The following ZNF608 variants were observed in gnomAD, a reference collection of about 807,000 sequenced individuals.
The protein encoded by ZNF608 is renal carcinoma antigen NY-REN-36.
A neutral mutation model predicts 109.0 loss-of-function variants in ZNF608; 12 were observed. The ratio of observed to expected loss-of-function variants is 0.11; its 90% CI spans 0.07 to 0.18. The LOEUF (loss-of-function observed/expected upper bound fraction) is 0.18, where lower values mean the gene tolerates loss of function less well. Ranked by LOEUF, ZNF608 falls within the 10% of genes least tolerant of loss-of-function variation. ZNF608 has a pLI of 1.00. For synonymous variants in ZNF608, 732 were observed against 717.4 expected, an observed-to-expected ratio of 1.02 and a Z score of -0.33; for missense variants, 1,707 against 1,879.3, an observed-to-expected ratio of 0.91 and a Z score of 1.70.
At chr5:124,653,640 A>C (rs1417850639) in intron 3 of ZNF608, among the ~76,000 whole-genome samples, 1 of 152,190 alleles carries the variant, frequency 6.6e-6, no homozygotes, top group Non-Finnish European at 1.5e-5. Flanking sequence ...TTTCATGTTC[A>C]TGGTGCCCCC....
Position 124,639,188 on chromosome 5 carries a change from A to G in ZNF608, c.4477T>C (p.Ser1493Pro). ...QGLTSAALVASQQVAAQASAS... is the reference protein window; with the variant it reads ...QGLTSAALVAPQQVAAQASAS... ...GATGCCTGGGCAGCCACCTGCTGAG[A>G]GGCAACAAGGGCAGCAGAGGTCAAG... Residue 1493 changes from serine to proline, a missense_variant, in exon 9 of 10, where the codon TCT becomes CCT. Coordinates refer to ENST00000513986, the MANE Select transcript of ZNF608 (RefSeq NM_020747.3). The G allele has an allele frequency of 1.2e-6, 2 of 1,614,232 alleles. No homozygotes were observed. Among genetic ancestry groups the G allele is most frequent in the Non-Finnish European group, 1.7e-6 (2 of 1,180,024 alleles).
At chr5:124,678,567 C>T (rs1242260039) in intron 3 of ZNF608, among the ~76,000 whole-genome samples, 1 of 152,232 alleles carries the variant, frequency 6.6e-6, no homozygotes, top group African/African-American at 2.4e-5. Flanking sequence ...ATTCCGTTCC[C>T]ATGCTCACAT....
In ZNF608 at chr5:124,648,313, C is replaced by A. The variant is rs150909561; in HGVS notation, c.2071G>T (p.Gly691Cys). The A allele has an allele frequency of 1.2e-6, 2 of 1,614,152 alleles. No individual in the cohort carries two copies. The highest frequency in any genetic ancestry group is 1.1e-5 in the South Asian group (1 of 91,078). ...TTAGGCATCTCAGCAGCCAAACTGC[C>A]GTCTGCTGCCGAGCAACTGTCTAAC... is the stretch of plus-strand genomic sequence containing the variant. ...AALDSCSAAD[G>C]SLAAEMPKLE... is the part of the protein sequence containing the mutation. The change falls in exon 5 of 10, where the codon GGC (glycine) becomes TGC (cysteine). Residue 691 changes from glycine to cysteine, a missense_variant. By Grantham distance (159) the Gly-to-Cys change is radical (BLOSUM62 -3). Transcript: ENST00000513986.
chr5:124,738,230 A>T (rs1580720530), intron 2 of ZNF608, among the ~76,000 whole-genome samples: 1 of 152,320 alleles, frequency 6.6e-6, no homozygotes, highest in East Asian at 1.9e-4. Flanking sequence ...TTCAATGACT[A>T]CATTAGGAGA....
intron 3 of ZNF608, among the ~76,000 whole-genome samples, chr5:124,664,447 A>ATTTT (rs1751395510): frequency 6.6e-6 from 1 of 152,240 alleles, no homozygotes; most frequent in Non-Finnish European, 1.5e-5. Flanking sequence ...GGCAGTTAAC[A>ATTTT]TTTTTGTTAT....
Position 124,701,261 on chromosome 5 carries a change from G to A in ZNF608, c.915C>T (p.Pro305=). 1 of 1,614,016 alleles carries A rather than the reference G, an allele frequency of 6.2e-7. No homozygotes were observed. The highest frequency in any genetic ancestry group is 8.5e-7 in the Non-Finnish European group (1 of 1,179,932). Residue 305 remains proline, a synonymous_variant, in exon 3 of 10, where the codon CCC becomes CCT. Coordinates refer to ENST00000513986, the MANE Select transcript of ZNF608 (RefSeq NM_020747.3). ...GTGGTGGCGCTGGCACTGTAAACAG[G>A]GGGTCAACCTGAAAGACAGACAGGC... ...IKKLKTEKVD[P]LFTVPAPPPP... is the part of the protein sequence containing the mutation.
intron 8 of ZNF608, among the ~76,000 whole-genome samples, chr5:124,640,038 C>T (rs527489910): frequency 7.7e-4 from 117 of 152,188 alleles, no homozygotes; most frequent in African/African-American, 2.7e-3. Flanking sequence ...TTATTACACT[C>T]AATACAAATT....
At chr5:124,743,476 T>C (rs1749502878) in intron 2 of ZNF608, among the ~76,000 whole-genome samples, 1 of 152,134 alleles carries the variant, frequency 6.6e-6, no homozygotes, top group African/African-American at 2.4e-5. Context: ...CACATCAAGC[T>C]TGGGGTTTCA....
At chr5:124,688,424 C>T (rs1055682848) in intron 3 of ZNF608, among the ~76,000 whole-genome samples, 1 of 152,190 alleles carries the variant, frequency 6.6e-6, no homozygotes, top group African/African-American at 2.4e-5. Flanking sequence ...TGGATATGAA[C>T]ATTGAGAGCT....
chr5:124,666,709 CTGTGTGTGTGTGTGTGTGTGTGTGTG>C (rs10546271), intron 3 of ZNF608, among the ~76,000 whole-genome samples: 11 of 141,056 alleles, frequency 7.8e-5, no homozygotes, highest in South Asian at 2.4e-4. Flanking sequence ...TGGGTTTGCT[CTGTGTGTGTGTGTGTGTGTGTGTGTG>C]TGTGTGTGTG....
intron 3 of ZNF608, among the ~76,000 whole-genome samples, chr5:124,697,350 T>G (rs1752891708): frequency 6.6e-6 from 1 of 151,984 alleles, no homozygotes; most frequent in African/African-American, 2.4e-5. Flanking sequence ...TACACCATGT[T>G]TTTTCTGGTT....
rs772481946 is a variant in ZNF608 at position 124,649,136 on chromosome 5, A to G, written c.1251-3T>C. 31 of 1,547,514 alleles carry G rather than the reference A, an allele frequency of 2.0e-5. No homozygotes were observed. Among genetic ancestry groups the G allele is most frequent in the Non-Finnish European group, 2.7e-5 (31 of 1,152,338 alleles). ...CACTTGTCGGTGACTCACAAAACCT[A>G]TGGAAGCAAGTAACAGATGTGAAAA... On this transcript the variant is annotated splice_polypyrimidine_tract_variant and splice_region_variant and intron_variant, in intron 4 of 9. Coordinates refer to ENST00000513986, the MANE Select transcript of ZNF608 (RefSeq NM_020747.3).
upstream of ZNF608, among the ~76,000 whole-genome samples, chr5:124,747,720 A>G (rs960361502): frequency 6.6e-6 from 1 of 151,636 alleles, no homozygotes; most frequent in African/African-American, 2.4e-5. Context: ...GTTCGGAAGG[A>G]GCGAAATGTA....
chr5:124,736,643 T>G (rs997601971), intron 2 of ZNF608, among the ~76,000 whole-genome samples: 2 of 151,702 alleles, frequency 1.3e-5, no homozygotes, highest in Non-Finnish European at 2.9e-5. Context: ...AGGAACAACT[T>G]AGACACAACC....
chr5:124,745,124 C>G lies in ZNF608; in HGVS notation c.-135G>C. 6.9e-7 allele frequency: 1 copy of G among 1,443,934 alleles called. No individual in the cohort carries two copies. The highest frequency in any genetic ancestry group is 9.0e-7 in the Non-Finnish European group (1 of 1,107,502). The allele number at this position is 1,443,934 out of a possible 1,614,324, so 89.4% of individuals were successfully genotyped here. On this transcript the variant is annotated 5_prime_UTR_variant, in exon 2 of 10. Coordinates refer to ENST00000513986, the MANE Select transcript of ZNF608 (RefSeq NM_020747.3). ...AATCTTCCTCTTCTTTTTCCTGCCCCACGAATGTGTCCAGGGATTTTACAC... is the reference window on the plus strand; with the variant it reads ...AATCTTCCTCTTCTTTTTCCTGCCCGACGAATGTGTCCAGGGATTTTACAC...
chr5:124,654,399 A>G (rs1479993661), intron 3 of ZNF608, among the ~76,000 whole-genome samples: 2 of 152,158 alleles, frequency 1.3e-5, no homozygotes, highest in African/African-American at 2.4e-5. Flanking sequence ...CCCCTAAAAG[A>G]AACCTTGAAG....
chr5:124,662,737 G>A (rs1443628161), intron 3 of ZNF608, among the ~76,000 whole-genome samples: 1 of 152,078 alleles, frequency 6.6e-6, no homozygotes, highest in East Asian at 1.9e-4. Flanking sequence ...TCTCTTCACT[G>A]AAAGAAAACC....
chr5:124,703,443 C>T (rs575900866), intron 2 of ZNF608, among the ~76,000 whole-genome samples: 1 of 152,208 alleles, frequency 6.6e-6, no homozygotes, highest in Middle Eastern at 3.4e-3. Context: ...GTCATTCAAC[C>T]TCTCTGAGGC....
chr5:124,643,360 G>A, intron 7 of ZNF608, 151 bp downstream of exon 7: 2 of 668,266 alleles, frequency 3.0e-6, no homozygotes, highest in South Asian at 5.5e-5. Flanking sequence ...TCTTACTTTT[G>A]AACGCTCCAT....
Sources: allele counts gnomAD v4.1 joint callset (sites outside exome capture counted in the v4.1 genomes callset), GRCh38; gene constraint gnomAD v4.1.1; transcripts MANE v1.5; gene names NCBI Gene and HGNC (gene_info 2026-07-23, HGNC 2026-07-21).